The following TRIO variants were observed in gnomAD, a reference collection of about 807,000 sequenced individuals.
TRIO encodes triple functional domain protein.
In TRIO, 58 loss-of-function variants were observed where a neutral mutation model predicts 351.9. The ratio of observed to expected loss-of-function variants is 0.16; its 90% confidence interval spans 0.13 to 0.21. The LOEUF (loss-of-function observed/expected upper bound fraction) is 0.21, where lower values mean the gene tolerates loss of function less well. Ranked by LOEUF, TRIO falls within the 10% of genes least tolerant of loss-of-function variation. The pLI, the probability that TRIO is intolerant of heterozygous loss-of-function variation, is 1.00. For missense variants in TRIO, 3,201 were observed against 4,027.8 expected (o/e 0.79, Z 5.56); for synonymous variants, 1,758 against 1,595.7 (o/e 1.10, Z -2.42).
intron 31 of TRIO, among the ~76,000 whole-genome samples, chr5:14,404,400 C>T (rs554460053): frequency 2.0e-5 from 3 of 151,880 alleles, no homozygotes; most frequent in African/African-American, 7.2e-5. Flanking sequence ...ATCTTTTTTC[C>T]TCGTTTAATT....
At chr5:14,495,133 AAG>A (rs1756781732) in intron 49 of TRIO, among the ~76,000 whole-genome samples, 1 of 152,236 alleles carries the variant, frequency 6.6e-6, no homozygotes, top group Admixed American at 6.5e-5. Flanking sequence ...TGAAGGTTTT[AAG>A]ACTTCAGTGA....
At chr5:14,211,893 C>T (rs530211445) in intron 1 of TRIO, among the ~76,000 whole-genome samples, 26 of 151,688 alleles carry the variant, frequency 1.7e-4, no homozygotes, top group African/African-American at 5.8e-4. Flanking sequence ...AGAAGGATCA[C>T]TTGAGCCCTG....
At chr5:14,420,259 A>T (rs1343563944) in intron 34 of TRIO, 1 of 559,308 alleles carries the variant, frequency 1.8e-6, no homozygotes, top group Non-Finnish European at 3.1e-6. Context: ...CGGTGTAGTG[A>T]GATATGACAT....
At chr5:14,270,528 G>T (rs1795919714) in intron 1 of TRIO, among the ~76,000 whole-genome samples, 1 of 152,128 alleles carries the variant, frequency 6.6e-6, no homozygotes, top group Admixed American at 6.5e-5. Flanking sequence ...TAAATAATCT[G>T]GACTGATTTC....
At chr5:14,409,830 A>T (rs1279538108) in intron 33 of TRIO, among the ~76,000 whole-genome samples, 1 of 125,170 alleles carries the variant, frequency 8.0e-6, no homozygotes, top group African/African-American at 4.0e-5. Context: ...GCGAGACTCC[A>T]TCTCAAAAAA....
In TRIO at chr5:14,349,042, G is replaced by A. The variant is rs558897448; in HGVS notation, c.2047-9136G>A. Among the ~76,000 whole-genome samples the A allele has an allele frequency of 1.8e-3, 272 of 151,622 alleles. 6 individuals are homozygous for A. Among genetic ancestry groups the A allele is most frequent in the Admixed American group, 0.017 (265 of 15,258 alleles). On this transcript the variant is annotated intron_variant, in intron 11 of 56. Coordinates refer to ENST00000344204, the MANE Select transcript of TRIO (RefSeq NM_007118.4). ...TGTGTTTATTTATGTGTACGCACGT[G>A]AGCATGTGTTTTTCCTGCATGTTTG... is the stretch of plus-strand genomic sequence containing the variant.
chr5:14,231,207 C>T (rs1793406513), intron 1 of TRIO, among the ~76,000 whole-genome samples: 1 of 152,222 alleles, frequency 6.6e-6, no homozygotes, highest in African/African-American at 2.4e-5. Flanking sequence ...TGGCACCTAC[C>T]ACATCCATTT....
At chr5:14,236,741 T>C (rs895363116) in intron 1 of TRIO, among the ~76,000 whole-genome samples, 1 of 152,222 alleles carries the variant, frequency 6.6e-6, no homozygotes, top group Non-Finnish European at 1.5e-5. Flanking sequence ...AATTTCCCCA[T>C]TTAAGATATA....
At chr5:14,419,123 A>G (rs1418318570) in intron 33 of TRIO, among the ~76,000 whole-genome samples, 1 of 152,148 alleles carries the variant, frequency 6.6e-6, no homozygotes, top group East Asian at 1.9e-4. Context: ...GACCTCTGGG[A>G]AACGAGCCGA....
intron 1 of TRIO, among the ~76,000 whole-genome samples, chr5:14,164,220 G>A (rs1788637035): frequency 6.6e-6 from 1 of 152,184 alleles, no homozygotes; most frequent in African/African-American, 2.4e-5. Flanking sequence ...AAAGTGCTAG[G>A]TAATTATATC....
At chr5:14,368,607 C>A in intron 16 of TRIO, 101 bp from the exon 17 acceptor site, 1 of 1,330,338 alleles carries the variant, frequency 7.5e-7, no homozygotes, top group Non-Finnish European at 1.0e-6. Flanking sequence ...AAGGTATTTC[C>A]ACAAAATCAT....
chr5:14,380,187 C>T (rs141467636), intron 20 of TRIO, among the ~76,000 whole-genome samples: 90 of 152,342 alleles, frequency 5.9e-4, no homozygotes, highest in African/African-American at 2.1e-3. Context: ...ACTCTCGGTT[C>T]CCTGTCTCCG....
chr5:14,393,833 C>T (rs1009449537), intron 27 of TRIO, among the ~76,000 whole-genome samples: 1 of 152,196 alleles, frequency 6.6e-6, no homozygotes, highest in Non-Finnish European at 1.5e-5. Context: ...CTCCAAAGTA[C>T]CCCTTCCTCT....
intron 34 of TRIO, among the ~76,000 whole-genome samples, chr5:14,445,122 C>A (rs1297516764): frequency 1.3e-5 from 2 of 152,098 alleles, no homozygotes; most frequent in Non-Finnish European, 2.9e-5. Context: ...TCAAAGTTGG[C>A]CTCAGGGACA....
intron 18 of TRIO, among the ~76,000 whole-genome samples, chr5:14,370,830 G>C (rs1317270187): frequency 6.6e-6 from 1 of 152,168 alleles, no homozygotes; most frequent in Non-Finnish European, 1.5e-5. Flanking sequence ...GGAATCATTA[G>C]AATTTTCCCC....
intron 9 of TRIO, among the ~76,000 whole-genome samples, chr5:14,325,580 C>A (rs183167009): frequency 6.6e-6 from 1 of 152,332 alleles, no homozygotes; most frequent in Admixed American, 6.5e-5. Context: ...TGGAACACCT[C>A]CCGGTAGGCC....
At chr5:14,413,947 G>C (rs1470133985) in intron 33 of TRIO, among the ~76,000 whole-genome samples, 2 of 152,192 alleles carry the variant, frequency 1.3e-5, no homozygotes, top group Non-Finnish European at 1.5e-5. Context: ...GTTGAGGTCA[G>C]CTAGTTAACG....
chr5:14,202,293 G>GTTTTTTTTTT (rs1561196197), intron 1 of TRIO, among the ~76,000 whole-genome samples: 3 of 34,350 alleles, frequency 8.7e-5, no homozygotes, highest in African/African-American at 3.0e-4. Context: ...ATATTTTTGT[G>GTTTTTTTTTT]ATTTTTTTTT....
chr5:14,488,436 T>G, intron 48 of TRIO, 176 bp downstream of exon 48: 1 of 866,598 alleles, frequency 1.2e-6, no homozygotes, highest in Non-Finnish European at 1.7e-6. Flanking sequence ...CGCTACTAAC[T>G]ACTCCTTGCT....
Sources: allele counts gnomAD v4.1 joint callset (sites outside exome capture counted in the v4.1 genomes callset), GRCh38; gene constraint gnomAD v4.1.1; transcripts MANE v1.5; gene names NCBI Gene and HGNC (gene_info 2026-07-23, HGNC 2026-07-21).